Variants in INPP5A observed in about 807,000 individuals in gnomAD.
INPP5A encodes the protein 43 kDa inositol polyphosphate 5-phophatase.
INPP5A carries 14 observed loss-of-function variants against 65.2 expected under a neutral mutation model. That is an observed-to-expected ratio of 0.21 (90% CI 0.14 to 0.34). The LOEUF (loss-of-function observed/expected upper bound fraction) is 0.34. Ranked by LOEUF, INPP5A falls within the 10% of genes least tolerant of loss-of-function variation. The probability of loss-of-function intolerance (pLI) is 1.00; values close to 1 mark genes in which losing one functional copy is unlikely to be tolerated. For missense variants in INPP5A, 431 were observed against 545.6 expected (o/e 0.79, Z 2.09); for synonymous variants, 207 against 208.3 (o/e 0.99, Z 0.05).
At chr10:132,747,110 G>C (rs1846384136) in intron 9 of INPP5A, among the ~76,000 whole-genome samples, 1 of 152,228 alleles carries the variant, frequency 6.6e-6, no homozygotes, top group Admixed American at 6.5e-5. Flanking sequence ...CCTGAGCCGC[G>C]TCCTGGGATG....
chr10:132,748,516 C>T (rs1223958512), intron 9 of INPP5A, among the ~76,000 whole-genome samples: 4 of 152,370 alleles, frequency 2.6e-5, no homozygotes, highest in South Asian at 2.1e-4. Flanking sequence ...AGGGGCTCCC[C>T]GTGGCCAGTC....
At chr10:132,565,328 A>G (rs565237929) in intron 1 of INPP5A, among the ~76,000 whole-genome samples, 2 of 152,320 alleles carry the variant, frequency 1.3e-5, no homozygotes, top group East Asian at 3.9e-4. Flanking sequence ...GCTTCTCTGA[A>G]GCACTTTCAT....
chr10:132,587,462 C>T lies in INPP5A; in HGVS notation c.76-20453C>T, dbSNP rs1451141382. On this transcript the variant is annotated intron_variant, in intron 1 of 15. Coordinates refer to ENST00000368594, the MANE Select transcript of INPP5A (RefSeq NM_005539.5). The surrounding 1 kb of genome is among the most constrained non-coding windows in gnomAD (Gnocchi z 4.3). Reference sequence around the variant, plus strand: ...TGTGATTCGAGGTCAGAAATCATGACGGGGAAAGGATGCGGCCATACCAGA... The same window carrying T: ...TGTGATTCGAGGTCAGAAATCATGATGGGGAAAGGATGCGGCCATACCAGA... 6.6e-6 allele frequency among the ~76,000 whole-genome samples: 1 copy of T among 152,142 alleles called. No homozygotes were observed. The highest frequency in any genetic ancestry group is 1.5e-5 in the Non-Finnish European group (1 of 68,024).
intron 1 of INPP5A, among the ~76,000 whole-genome samples, chr10:132,572,085 A>T (rs562492157): frequency 1.3e-5 from 2 of 152,296 alleles, no homozygotes; most frequent in African/African-American, 4.8e-5. Context: ...CACACTGGGG[A>T]TTTGACAGCT....
intron 2 of INPP5A, among the ~76,000 whole-genome samples, chr10:132,621,920 T>C (rs2072115151): frequency 6.6e-6 from 1 of 152,124 alleles, no homozygotes; most frequent in East Asian, 1.9e-4. Context: ...TATTTTCCTT[T>C]CACAAAAGGA....
At chr10:132,720,970 G>C (rs998017258) in intron 8 of INPP5A, among the ~76,000 whole-genome samples, 3 of 150,132 alleles carry the variant, frequency 2.0e-5, no homozygotes, top group Admixed American at 2.0e-4. Context: ...CTGTCTTGCG[G>C]GTTCTGTGGT....
At position 132,726,817 on chromosome 10, in the gene INPP5A, C is replaced by T. The variant is rs1305845831; in HGVS notation, c.648-4C>T. 6.3e-7 allele frequency: 1 copy of T among 1,594,130 alleles called. No individual in the cohort carries two copies. The highest frequency in any genetic ancestry group is 8.6e-7 in the Non-Finnish European group (1 of 1,166,968). On this transcript the variant is annotated splice_polypyrimidine_tract_variant and splice_region_variant and intron_variant, in intron 8 of 15. Transcript: ENST00000368594. ...TCGGTAACAAGTCCTCTTTTTCTTT[C>T]CAGAATCATTGATCAGCGATTCGAG...
At chr10:132,757,994 TG>T (rs1379356108) in intron 11 of INPP5A, among the ~76,000 whole-genome samples, 1 of 142,824 alleles carries the variant, frequency 7.0e-6, no homozygotes, top group Non-Finnish European at 1.5e-5. Context: ...TGCAATGTTG[TG>T]GGTCTCTGGC....
chr10:132,748,351 T>C (rs1261992122), intron 9 of INPP5A, among the ~76,000 whole-genome samples: 4 of 152,240 alleles, frequency 2.6e-5, no homozygotes, highest in African/African-American at 4.8e-5. Context: ...CTGCCCGCCA[T>C]GAGCACGGGC....
intron 1 of INPP5A, among the ~76,000 whole-genome samples, chr10:132,560,172 T>G (rs930536145): frequency 6.6e-6 from 1 of 151,616 alleles, no homozygotes; most frequent in Non-Finnish European, 1.5e-5. Context: ...CTCTCTTGGG[T>G]GTAGACCTGC....
chr10:132,771,629 A>C (rs139684268), intron 12 of INPP5A, among the ~76,000 whole-genome samples: 4 of 151,396 alleles, frequency 2.6e-5, no homozygotes, highest in African/African-American at 9.7e-5. Context: ...GACACTCAGC[A>C]CTGACACGGA....
rs116895720 is a variant in INPP5A, at chr10:132,640,189, C to T, written c.118-5679C>T. 1.1e-4 allele frequency among the ~76,000 whole-genome samples: 16 copies of T among 152,360 alleles called. No homozygotes were observed. The East Asian group carries it at 2.9e-3, about 28-fold the overall frequency. On this transcript the variant is annotated intron_variant, in intron 2 of 15. Transcript: ENST00000368594. The stretch of plus-strand genomic sequence containing the variant: ...CACTGGCTTTTCTTACGGTTCTCAG[C>T]ATGCACGCATTCACCCTGATGAGGT...
chr10:132,605,923 G>A (rs931271688), intron 1 of INPP5A, among the ~76,000 whole-genome samples: 18 of 152,206 alleles, frequency 1.2e-4, no homozygotes, highest in African/African-American at 3.1e-4. Flanking sequence ...TTAGAGCACC[G>A]TGTTAGGACT....
chr10:132,720,832 G>A (rs1407258026), intron 8 of INPP5A, among the ~76,000 whole-genome samples: 3 of 149,578 alleles, frequency 2.0e-5, no homozygotes, highest in Non-Finnish European at 3.0e-5. Context: ...TGTGGTACCT[G>A]GGTTCTGTCT....
chr10:132,623,955 G>A lies in INPP5A; in HGVS notation c.117+15999G>A, dbSNP rs573270140. Reference sequence around the variant, plus strand: ...CAGATTACAGCAACATAATCAGTACGTGCCTATTAGACTGGCTAAAATTCA... The same window carrying A: ...CAGATTACAGCAACATAATCAGTACATGCCTATTAGACTGGCTAAAATTCA... On this transcript the variant is annotated intron_variant, in intron 2 of 15. Coordinates refer to ENST00000368594, the MANE Select transcript of INPP5A (RefSeq NM_005539.5). Among the ~76,000 whole-genome samples, 153 of 152,308 alleles carry A rather than the reference G, an allele frequency of 1.0e-3. 2 individuals are homozygous for A. The South Asian group carries it at 0.031, about 31-fold the overall frequency.
intron 1 of INPP5A, among the ~76,000 whole-genome samples, chr10:132,556,699 A>T (rs1590826402): frequency 6.6e-6 from 1 of 152,076 alleles, no homozygotes; most frequent in Non-Finnish European, 1.5e-5. Context: ...TTAAAATGTG[A>T]CCTATTAGAT....
chr10:132,649,750 G>A (rs1238377948), intron 3 of INPP5A, among the ~76,000 whole-genome samples: 1 of 152,150 alleles, frequency 6.6e-6, no homozygotes, highest in African/African-American at 2.4e-5. Flanking sequence ...ACGGGGCCTC[G>A]TCCTCCGTTC....
At chr10:132,634,520 A>T (rs181595497) in intron 2 of INPP5A, among the ~76,000 whole-genome samples, 1 of 152,232 alleles carries the variant, frequency 6.6e-6, no homozygotes, top group Non-Finnish European at 1.5e-5. Flanking sequence ...CAAGTGGACC[A>T]CGGAGCTTGA....
chr10:132,749,135 C>T (rs946648569), intron 9 of INPP5A, among the ~76,000 whole-genome samples: 10 of 152,264 alleles, frequency 6.6e-5, no homozygotes, highest in Middle Eastern at 3.2e-3. Context: ...AGTTCAGGGA[C>T]GGGAGAGAGC....
Sources: allele counts gnomAD v4.1 joint callset (sites outside exome capture counted in the v4.1 genomes callset), GRCh38; gene constraint gnomAD v4.1.1; non-coding constraint Gnocchi (gnomAD v3.1); transcripts MANE v1.5; gene names NCBI Gene and HGNC (gene_info 2026-07-23, HGNC 2026-07-21).